Variants in ASIC2 observed in about 807,000 individuals in gnomAD.
ASIC2 encodes acid sensing ion channel subunit 2, also known as acid-sensing ion channel 2.
ASIC2 carries 25 observed loss-of-function variants against 57.3 expected under a neutral mutation model. The observed-to-expected ratio is 0.44, with a 90% CI of 0.32 to 0.61. The LOEUF (loss-of-function observed/expected upper bound fraction) is 0.61. Ranked by LOEUF, ASIC2 falls within the 20% of genes least tolerant of loss-of-function variation. ASIC2 has a pLI of 0.06. For missense variants in ASIC2, 641 were observed against 738.1 expected (o/e 0.87, Z 1.52); for synonymous variants, 319 against 307.5 (o/e 1.04, Z -0.39).
intron 1 of ASIC2, among the ~76,000 whole-genome samples, chr17:33,183,881 A>G (rs1177008241): frequency 2.0e-5 from 3 of 152,216 alleles, no homozygotes; most frequent in African/African-American, 7.2e-5. Flanking sequence ...AAGACATGCC[A>G]CAGAGTCCTG....
chr17:34,056,120 T>C (rs1468574828), intron 1 of ASIC2, among the ~76,000 whole-genome samples: 2 of 152,010 alleles, frequency 1.3e-5, no homozygotes, highest in Admixed American at 1.3e-4. Flanking sequence ...GTGAGAGAAA[T>C]GGAAGAATGG....
At chr17:33,611,582 GGTC>G (rs1394890989) in intron 1 of ASIC2, among the ~76,000 whole-genome samples, 1 of 152,202 alleles carries the variant, frequency 6.6e-6, no homozygotes, top group Non-Finnish European at 1.5e-5. Flanking sequence ...CCAGAGCCCA[GGTC>G]AAGTGAGATT....
At chr17:33,278,687 C>T (rs939033153) in intron 1 of ASIC2, among the ~76,000 whole-genome samples, 3 of 152,186 alleles carry the variant, frequency 2.0e-5, no homozygotes, top group Admixed American at 2.0e-4. Flanking sequence ...TCCCGGGATC[C>T]CTGGCCTATG....
chr17:33,380,097 T>A (rs1248215141), intron 1 of ASIC2, among the ~76,000 whole-genome samples: 2 of 151,492 alleles, frequency 1.3e-5, no homozygotes, highest in Non-Finnish European at 2.9e-5. Context: ...AATACAAAAA[T>A]TAGCCGGGAG....
chr17:33,737,273 T>C (rs1296820635), intron 1 of ASIC2, among the ~76,000 whole-genome samples: 1 of 152,260 alleles, frequency 6.6e-6, no homozygotes, highest in Non-Finnish European at 1.5e-5. Flanking sequence ...TCTCATCAGA[T>C]TGTTTTCCAA....
chr17:33,754,461 T>C (rs1007243142), intron 1 of ASIC2, among the ~76,000 whole-genome samples: 1 of 152,036 alleles, frequency 6.6e-6, no homozygotes, highest in South Asian at 2.1e-4. Flanking sequence ...CCTGAGCTCC[T>C]GGGGGCTTCC....
At chr17:33,576,305 T>C (rs146514905) in intron 1 of ASIC2, among the ~76,000 whole-genome samples, 1 of 152,300 alleles carries the variant, frequency 6.6e-6, no homozygotes, top group Non-Finnish European at 1.5e-5. Flanking sequence ...ATCCTGTTTC[T>C]AGCCATTTTC....
At position 33,110,296 on chromosome 17, in the gene ASIC2, G is replaced by A. The variant is rs145438940; in HGVS notation, c.859+1621C>T. Among the ~76,000 whole-genome samples, 1,187 of 152,288 alleles carry A rather than the reference G, an allele frequency of 7.8e-3. 7 individuals are homozygous for A. Among genetic ancestry groups the A allele is most frequent in the Middle Eastern group, 0.041 (12 of 294 alleles). On this transcript the variant is annotated intron_variant, in intron 2 of 9. Coordinates refer to ENST00000225823, the MANE Select transcript of ASIC2 (RefSeq NM_183377.2). ...ACCAAGACTCCACCCCCTGGACTCC[G>A]GGTTGTCTACAGGCCCCCACGGTCC...
chr17:33,414,055 T>C (rs925025437), intron 1 of ASIC2, among the ~76,000 whole-genome samples: 1 of 151,992 alleles, frequency 6.6e-6, no homozygotes, highest in Non-Finnish European at 1.5e-5. Flanking sequence ...AGCCCGAGAG[T>C]AGGTCCTCCT....
chr17:33,298,015 C>T (rs1366872487), upstream of ASIC2, among the ~76,000 whole-genome samples: 1 of 147,436 alleles, frequency 6.8e-6, no homozygotes, highest in African/African-American at 2.5e-5. Flanking sequence ...AGTCTGCCTC[C>T]CTCTCCCCTC....
intron 1 of ASIC2, among the ~76,000 whole-genome samples, chr17:33,372,900 T>C (rs1189226452): frequency 6.6e-6 from 1 of 152,134 alleles, no homozygotes; most frequent in Admixed American, 6.5e-5. Context: ...CAGGAGGGGA[T>C]CTGTTGCCTG....
chr17:34,024,713 C>G (rs1264327785), intron 1 of ASIC2, among the ~76,000 whole-genome samples: 1 of 152,156 alleles, frequency 6.6e-6, no homozygotes, highest in African/African-American at 2.4e-5. Flanking sequence ...GGGAGGGGTG[C>G]AGGGCAGGCC....
At chr17:34,031,956 G>C (rs1397541890) in intron 1 of ASIC2, among the ~76,000 whole-genome samples, 1 of 152,166 alleles carries the variant, frequency 6.6e-6, no homozygotes, top group African/African-American at 2.4e-5. Context: ...TTATCCAGGA[G>C]AACTTCCCCA....
chr17:33,498,935 G>A (rs1914021789), intron 1 of ASIC2, among the ~76,000 whole-genome samples: 1 of 152,216 alleles, frequency 6.6e-6, no homozygotes, highest in Non-Finnish European at 1.5e-5. Context: ...TAAAGCAAGT[G>A]CATGGTTTTA....
At chr17:33,673,917 C>T (rs561750674) in intron 1 of ASIC2, among the ~76,000 whole-genome samples, 91 of 136,256 alleles carry the variant, frequency 6.7e-4, no homozygotes, top group African/African-American at 2.6e-3. Context: ...TTTTTGGAGA[C>T]GGAGTCTCAC....
At chr17:33,228,577 C>A (rs957461521) in intron 1 of ASIC2, among the ~76,000 whole-genome samples, 13 of 152,206 alleles carry the variant, frequency 8.5e-5, no homozygotes, top group African/African-American at 3.1e-4. Flanking sequence ...TGTGTAGCAC[C>A]CACCATCCCA....
chr17:33,103,195 C>T (rs1486969760), intron 2 of ASIC2, among the ~76,000 whole-genome samples: 5 of 152,108 alleles, frequency 3.3e-5, no homozygotes, highest in Non-Finnish European at 5.9e-5. Flanking sequence ...TTTTAATTAA[C>T]GTGTTTTGAT....
At position 34,042,718 on chromosome 17, in the gene ASIC2, G is replaced by A. The variant is rs12950471; in HGVS notation, c.555+113260C>T. Reference sequence around the variant, plus strand: ...GATAGCACTTGGTTTGAGCTGTTGCGGAGAAAGAGTTTTAGTACTTTTTAT... The same window carrying A: ...GATAGCACTTGGTTTGAGCTGTTGCAGAGAAAGAGTTTTAGTACTTTTTAT... On this transcript the variant is annotated intron_variant, in intron 1 of 9. Transcript: ENST00000359872. 9.7e-3 allele frequency among the ~76,000 whole-genome samples: 1,481 copies of A among 152,234 alleles called. 38 individuals carry two copies. Among genetic ancestry groups the A allele is most frequent in the African/African-American group, 0.034 (1,405 of 41,530 alleles).
chr17:33,310,862 G>A (rs1434407759), intron 1 of ASIC2, among the ~76,000 whole-genome samples: 1 of 152,146 alleles, frequency 6.6e-6, no homozygotes, highest in Non-Finnish European at 1.5e-5. Context: ...GTATATCTAT[G>A]TATATCTATA....
Sources: allele counts gnomAD v4.1 joint callset (sites outside exome capture counted in the v4.1 genomes callset), GRCh38; gene constraint gnomAD v4.1.1; transcripts MANE v1.5; gene names NCBI Gene and HGNC (gene_info 2026-07-23, HGNC 2026-07-21).